The following DPP10 variants were observed in gnomAD, a reference collection of about 807,000 sequenced individuals.
The protein encoded by DPP10 is dipeptidyl peptidase like 10.
A neutral mutation model predicts 120.9 loss-of-function variants in DPP10; 33 were observed. The ratio of observed to expected loss-of-function variants is 0.27; its 90% CI spans 0.21 to 0.37. The LOEUF is 0.37. Among genes scored for constraint, DPP10 ranks in the 10% least tolerant of loss-of-function variants. DPP10 has a pLI of 1.00. For synonymous variants in DPP10, 337 were observed against 326.1 expected, an observed-to-expected ratio of 1.03 and a Z score of -0.36; for missense variants, 816 against 942.8, an observed-to-expected ratio of 0.87 and a Z score of 1.76.
intron 1 of DPP10, among the ~76,000 whole-genome samples, chr2:114,805,153 G>A (rs942580981): frequency 3.3e-5 from 5 of 152,088 alleles, no homozygotes; most frequent in Admixed American, 1.3e-4. Flanking sequence ...TTCACCTCCT[G>A]CCATGATTCT....
chr2:115,089,678 T>A (rs1390916206), intron 1 of DPP10, among the ~76,000 whole-genome samples: 3 of 152,326 alleles, frequency 2.0e-5, no homozygotes, highest in African/African-American at 7.2e-5. Flanking sequence ...AAGAGCAGAA[T>A]CAAGAGCCAG....
intron 1 of DPP10, among the ~76,000 whole-genome samples, chr2:114,656,413 G>A (rs1163429643): frequency 3.3e-5 from 5 of 152,018 alleles, no homozygotes; most frequent in Non-Finnish European, 7.4e-5. Flanking sequence ...AAAGGAAGAA[G>A]ATAAAGGAGA....
intron 3 of DPP10, among the ~76,000 whole-genome samples, chr2:115,466,294 A>G (rs2074322311): frequency 6.6e-6 from 1 of 152,178 alleles, no homozygotes; most frequent in Non-Finnish European, 1.5e-5. Context: ...TTAACTTTTA[A>G]TATCACAGAT....
intron 1 of DPP10, among the ~76,000 whole-genome samples, chr2:115,171,748 A>C: frequency 6.6e-6 from 1 of 151,890 alleles, no homozygotes; most frequent in Admixed American, 6.6e-5. Flanking sequence ...AACAAGTTTT[A>C]AAATGCTTTG....
chr2:115,548,271 C>T (rs752519209), intron 5 of DPP10, among the ~76,000 whole-genome samples: 2 of 152,050 alleles, frequency 1.3e-5, no homozygotes, highest in Non-Finnish European at 1.5e-5. Flanking sequence ...ATCCTTCTTA[C>T]CAACCAGAAA....
At chr2:115,063,731 T>C (rs752899525) in intron 1 of DPP10, among the ~76,000 whole-genome samples, 1 of 152,202 alleles carries the variant, frequency 6.6e-6, no homozygotes, top group Non-Finnish European at 1.5e-5. Flanking sequence ...AAATTGAATC[T>C]GGACCTCTTC....
At chr2:115,387,267 C>T (rs546791505) in intron 3 of DPP10, among the ~76,000 whole-genome samples, 9 of 152,142 alleles carry the variant, frequency 5.9e-5, no homozygotes, top group East Asian at 1.9e-4. Flanking sequence ...GAATCCTTAG[C>T]GTGTTTCTCC....
chr2:115,376,270 C>T (rs930787807), intron 3 of DPP10, among the ~76,000 whole-genome samples: 4 of 151,894 alleles, frequency 2.6e-5, no homozygotes, highest in South Asian at 2.1e-4. Context: ...GCCTAGAATA[C>T]GAATTTCAAA....
chr2:115,828,557 C>T (rs1688611257), intron 21 of DPP10, among the ~76,000 whole-genome samples: 1 of 151,820 alleles, frequency 6.6e-6, no homozygotes. Flanking sequence ...TTTTTAAAAG[C>T]ATGCATTTCT....
At chr2:114,810,315 G>A (rs747245333) in intron 1 of DPP10, among the ~76,000 whole-genome samples, 8 of 152,146 alleles carry the variant, frequency 5.3e-5, no homozygotes, top group African/African-American at 9.7e-5. Flanking sequence ...GAATTCTGAC[G>A]CACAGATCAA....
rs1677729834 is a variant in DPP10 at position 114,442,792 on chromosome 2, C to G, written c.14C>G (p.Ala5Gly). The G allele has an allele frequency of 2.5e-6, 4 of 1,613,368 alleles. No individual in the cohort carries two copies. The South Asian group carries it at 4.4e-5, about 18-fold the overall frequency. The change falls in exon 1 of 26, where the codon GCC becomes GGC. Residue 5 changes from alanine (A) to glycine (G), a missense_variant. Ala to Gly is a moderately conservative substitution (Grantham distance 60). Coordinates refer to ENST00000410059, the MANE Select transcript of DPP10 (RefSeq NM_020868.6). The part of the protein sequence containing the change: MNQT[A>G]SVSHHIKCQP... Reference sequence around the variant, plus strand: ...GGGTCCTGAAACATGAACCAAACTGCCAGCGTGTCCCATCACATCAAGTGT... The same window carrying G: ...GGGTCCTGAAACATGAACCAAACTGGCAGCGTGTCCCATCACATCAAGTGT...
At chr2:115,097,013 G>T (rs1436352171) in intron 1 of DPP10, among the ~76,000 whole-genome samples, 1 of 152,090 alleles carries the variant, frequency 6.6e-6, no homozygotes, top group Admixed American at 6.6e-5. Context: ...TGCTTGAGCA[G>T]AATGACTGCC....
At chr2:115,176,653 A>G (rs988840251) in intron 1 of DPP10, among the ~76,000 whole-genome samples, 12 of 152,254 alleles carry the variant, frequency 7.9e-5, no homozygotes, top group African/African-American at 2.7e-4. Flanking sequence ...AGTAAGAGCC[A>G]TACTAGTAGT....
At position 115,046,817 on chromosome 2, in the gene DPP10, A is replaced by T. The variant is rs1046939680; in HGVS notation, c.61-262422A>T. 7.9e-5 allele frequency among the ~76,000 whole-genome samples: 12 copies of T among 152,196 alleles called. No individual in the cohort carries two copies. In the South Asian group the frequency reaches 2.1e-3, roughly 26 times the overall value. On this transcript the variant is annotated intron_variant, in intron 1 of 25. Coordinates refer to ENST00000410059, the MANE Select transcript of DPP10 (RefSeq NM_020868.6). ...TCAGTTCTTTTCATTCTTTGCAGGA[A>T]GTTATTATACATCAATTTTAATTAT...
intron 1 of DPP10, among the ~76,000 whole-genome samples, chr2:115,303,306 TC>T (rs2061224500): frequency 6.6e-6 from 1 of 151,976 alleles, no homozygotes; most frequent in East Asian, 1.9e-4. Context: ...TTTGCCTTCT[TC>T]TTTTGGAAAC....
intron 1 of DPP10, among the ~76,000 whole-genome samples, chr2:114,655,718 T>A (rs367559706): frequency 6.6e-6 from 1 of 152,126 alleles, no homozygotes; most frequent in African/African-American, 2.4e-5. Flanking sequence ...CATAATTAAA[T>A]ATGGTTGTGT....
chr2:114,788,523 C>T (rs1029948772), intron 1 of DPP10, among the ~76,000 whole-genome samples: 1 of 151,600 alleles, frequency 6.6e-6, no homozygotes, highest in Non-Finnish European at 1.5e-5. Context: ...TCAAGTGATT[C>T]TCCTGCCTCA....
intron 3 of DPP10, among the ~76,000 whole-genome samples, chr2:115,363,594 C>A (rs933353842): frequency 2.3e-4 from 35 of 152,222 alleles, no homozygotes; most frequent in African/African-American, 8.0e-4. Flanking sequence ...GTGGCCATAT[C>A]TTCTTCACCT....
intron 19 of DPP10, among the ~76,000 whole-genome samples, chr2:115,799,478 C>T (rs1406748383): frequency 6.6e-6 from 1 of 151,748 alleles, no homozygotes; most frequent in East Asian, 1.9e-4. Flanking sequence ...TGCATGTGCA[C>T]AACATGCAGG....
Sources: gnomAD v4.1 joint callset for allele counts (sites outside exome capture counted in the v4.1 genomes callset) on GRCh38, gnomAD v4.1.1 for gene constraint, MANE v1.5 for transcripts, NCBI Gene and HGNC (gene_info 2026-07-23, HGNC 2026-07-21) for gene names.